The following CSTPP1 variants were observed in gnomAD, a reference collection of about 807,000 sequenced individuals.
CSTPP1 encodes centriolar satellite-associated tubulin polyglutamylase complex regulator 1.
the CSTPP1 span, among the ~76,000 whole-genome samples, chr11:46,966,321 G>A: frequency 1.3e-5 from 2 of 152,140 alleles, no homozygotes; most frequent in African/African-American, 4.8e-5. Flanking sequence ...GATTACAGGC[G>A]TGAGCCACCG....
chr11:47,016,700 A>T, the CSTPP1 span, among the ~76,000 whole-genome samples: 2 of 152,154 alleles, frequency 1.3e-5, no homozygotes, highest in African/African-American at 4.8e-5. Flanking sequence ...GGCAGACAGG[A>T]GGGAGGAATT....
the CSTPP1 span, among the ~76,000 whole-genome samples, chr11:47,029,808 A>G: frequency 6.6e-6 from 1 of 151,722 alleles, no homozygotes; most frequent in Non-Finnish European, 1.5e-5. Flanking sequence ...TTCCTTGAAA[A>G]AAAAAAAGGC....
chr11:47,046,293 A>C, the CSTPP1 span, among the ~76,000 whole-genome samples: 5 of 151,844 alleles, frequency 3.3e-5, no homozygotes, highest in African/African-American at 4.8e-5. Flanking sequence ...AAAAAAAAAA[A>C]AAAAAAACTT....
the CSTPP1 span, among the ~76,000 whole-genome samples, chr11:47,086,118 G>A: frequency 1.3e-5 from 2 of 151,586 alleles, no homozygotes; most frequent in South Asian, 4.2e-4. Context: ...GCCTGGCACA[G>A]TGGCTCACGC....
At chr11:46,946,416 T>C in the CSTPP1 span, among the ~76,000 whole-genome samples, 1 of 152,232 alleles carries the variant, frequency 6.6e-6, no homozygotes, top group Non-Finnish European at 1.5e-5. Flanking sequence ...CCCAGCACTT[T>C]GGGAGGCCAA....
chr11:47,161,833 C>G, the CSTPP1 span: 4 of 1,384,216 alleles, frequency 2.9e-6, no homozygotes, highest in African/African-American at 5.8e-5. Flanking sequence ...ATGGCCTGCT[C>G]TCCCTGGCCC....
chr11:47,069,878 T>C, the CSTPP1 span, among the ~76,000 whole-genome samples: 1 of 152,152 alleles, frequency 6.6e-6, no homozygotes, highest in Non-Finnish European at 1.5e-5. Context: ...CATGCCCAGC[T>C]AATTTTTGTG....
the CSTPP1 span, among the ~76,000 whole-genome samples, chr11:46,964,505 T>C: frequency 8.5e-5 from 13 of 152,300 alleles, no homozygotes; most frequent in South Asian, 2.7e-3. Flanking sequence ...CAGGATGGTC[T>C]TGATCTCCTG....
At chr11:47,058,282 C>T in the CSTPP1 span, among the ~76,000 whole-genome samples, 2 of 152,044 alleles carry the variant, frequency 1.3e-5, no homozygotes, top group East Asian at 1.9e-4. Context: ...GAGCTGTGAT[C>T]GCACCACTGC....
chr11:47,163,142 C>T, the CSTPP1 span, among the ~76,000 whole-genome samples: 223 of 148,080 alleles, frequency 1.5e-3, no homozygotes, highest in African/African-American at 5.2e-3. Context: ...ACTGCACTCC[C>T]GTCTGAGTGA....
the CSTPP1 span, among the ~76,000 whole-genome samples, chr11:47,156,427 A>T: frequency 6.6e-6 from 1 of 152,240 alleles, no homozygotes; most frequent in Non-Finnish European, 1.5e-5. Context: ...CAATGGCTCA[A>T]CTACGAAATT....
At chr11:47,068,044 T>C in the CSTPP1 span, among the ~76,000 whole-genome samples, 2 of 152,056 alleles carry the variant, frequency 1.3e-5, no homozygotes, top group African/African-American at 4.8e-5. Context: ...GTAGTCCTCA[T>C]ACCTGCCTTA....
the CSTPP1 span, among the ~76,000 whole-genome samples, chr11:47,151,340 G>C: frequency 9.9e-5 from 15 of 152,016 alleles, no homozygotes; most frequent in African/African-American, 3.4e-4. Flanking sequence ...TTGAACCTAG[G>C]GGGCGGAGGT....
chr11:47,008,257 G>A, the CSTPP1 span, among the ~76,000 whole-genome samples: 23 of 152,100 alleles, frequency 1.5e-4, no homozygotes, highest in Non-Finnish European at 2.8e-4. Flanking sequence ...GAGCCACCGC[G>A]CCCAGCCAAC....
the CSTPP1 span, among the ~76,000 whole-genome samples, chr11:47,118,976 C>T: frequency 2.0e-5 from 3 of 152,356 alleles, no homozygotes; most frequent in East Asian, 5.8e-4. Context: ...CTGGGAGAAC[C>T]ACTGCTCTCC....
the CSTPP1 span, chr11:47,004,585 C>G: frequency 6.6e-6 from 1 of 152,182 alleles, no homozygotes; most frequent in Non-Finnish European, 1.5e-5. Context: ...CTTCACTCAT[C>G]ATTTAGTTCA....
At chr11:47,033,668 G>A in the CSTPP1 span, among the ~76,000 whole-genome samples, 1 of 152,188 alleles carries the variant, frequency 6.6e-6, no homozygotes, top group Non-Finnish European at 1.5e-5. Flanking sequence ...TCTCCAGCAG[G>A]AATCTATTGT....
At chr11:46,987,526 C>T in the CSTPP1 span, 2 of 491,026 alleles carry the variant, frequency 4.1e-6, no homozygotes, top group African/African-American at 3.8e-5. Context: ...GTTTTGATTA[C>T]AGTAGCTTAA....
the CSTPP1 span, among the ~76,000 whole-genome samples, chr11:47,038,884 C>A: frequency 8.2e-6 from 1 of 122,496 alleles, no homozygotes; most frequent in Admixed American, 8.6e-5. Flanking sequence ...TGGGCAGAGA[C>A]GCTCCTCACA....
Sources: gnomAD v4.1 joint callset for allele counts (sites outside exome capture counted in the v4.1 genomes callset) on GRCh38, gnomAD v4.1.1 for gene constraint, MANE v1.5 for transcripts, NCBI Gene and HGNC (gene_info 2026-07-23, HGNC 2026-07-21) for gene names.